The following TPP2 variants were observed in gnomAD, a reference collection of about 807,000 sequenced individuals.
TPP2 encodes the protein tripeptidyl-peptidase 2.
Under a neutral mutation model 155.9 loss-of-function variants are expected in TPP2, and 34 were observed. The observed-to-expected ratio is 0.22, with a 90% CI of 0.17 to 0.29. The LOEUF (loss-of-function observed/expected upper bound fraction) is 0.29. Among genes scored for constraint, TPP2 ranks in the 10% least tolerant of loss-of-function variants. The probability of loss-of-function intolerance (pLI) is 1.00; values close to 1 mark genes in which losing one functional copy is unlikely to be tolerated. For missense variants in TPP2, 1,028 were observed against 1,522.3 expected (o/e 0.68, Z 5.40); for synonymous variants, 510 against 529.4 (o/e 0.96, Z 0.50).
intron 26 of TPP2, among the ~76,000 whole-genome samples, chr13:102,664,551 T>C (rs1884462704): frequency 6.6e-6 from 1 of 152,206 alleles, no homozygotes. Context: ...ACTCTCACCA[T>C]TGTACTCCAG....
At chr13:102,648,698 A>C (rs1041743104) in intron 21 of TPP2, among the ~76,000 whole-genome samples, 1 of 152,072 alleles carries the variant, frequency 6.6e-6, no homozygotes, top group African/African-American at 2.4e-5. Flanking sequence ...GATGTTAGGC[A>C]AGTCACTTGA....
intron 5 of TPP2, 76 bp from the exon 6 acceptor site, chr13:102,622,801 G>T: frequency 6.9e-7 from 1 of 1,442,438 alleles, no homozygotes. Flanking sequence ...GTAAAATAGT[G>T]GAGAGACTAT....
At chr13:102,668,526 G>A (rs1884754633) in intron 27 of TPP2, among the ~76,000 whole-genome samples, 1 of 152,162 alleles carries the variant, frequency 6.6e-6, no homozygotes, top group South Asian at 2.1e-4. Context: ...ATCAAGGAGT[G>A]ACATGTAGTG....
rs868135316 is a variant in TPP2 at position 102,679,881 on chromosome 13, A to C, written c.*1565A>C. On this transcript the variant is annotated 3_prime_UTR_variant, in exon 30 of 30. Coordinates refer to ENST00000376052, the MANE Select transcript of TPP2 (RefSeq NM_001330588.2). ...ATTTCAGGTAAGTACTACCTACAGCAGGAATCAGTAACGTTTGGCCCTTTA... is the reference window on the plus strand; with the variant it reads ...ATTTCAGGTAAGTACTACCTACAGCCGGAATCAGTAACGTTTGGCCCTTTA... 6.6e-6 allele frequency: 1 copy of C among 152,238 alleles called. No individual in the cohort carries two copies. The highest frequency in any genetic ancestry group is 2.1e-4 in the South Asian group (1 of 4,832). The allele number at this position is 152,238 out of a possible 1,614,324, so 9.4% of individuals were successfully genotyped here.
chr13:102,646,013 T>C (rs1595184020), intron 19 of TPP2, among the ~76,000 whole-genome samples: 1 of 152,372 alleles, frequency 6.6e-6, no homozygotes, highest in East Asian at 1.9e-4. Flanking sequence ...GATTTGGTTG[T>C]ATTGAGAGCT....
chr13:102,616,403 G>A lies in TPP2; in HGVS notation c.398G>A (p.Arg133Gln), dbSNP rs752143872. Reference protein sequence around the residue: ...KALKERIQKERKEKIWDPVHR... With the variant: ...KALKERIQKEQKEKIWDPVHR... The stretch of plus-strand genomic sequence containing the variant: ...ATTTTTCTGTCTTTGCAGAAAGAAC[G>A]GAAGGAAAAAATCTGGGACCCTGTT... The change falls in exon 4 of 30, where the codon CGG becomes CAG. Residue 133 changes from arginine to glutamine, a missense_variant. Around this residue, in one of 7 missense-constraint regions of TPP2, gnomAD observed 300 missense variants for 398.3 expected, o/e 0.75. Coordinates refer to ENST00000376052, the MANE Select transcript of TPP2 (RefSeq NM_001330588.2). 5.6e-6 allele frequency: 9 copies of A among 1,609,362 alleles called. No homozygotes were observed. The highest frequency in any genetic ancestry group is 2.2e-5 in the East Asian group (1 of 44,800).
At chr13:102,628,183 G>C (rs576617641) in intron 8 of TPP2, among the ~76,000 whole-genome samples, 1 of 152,234 alleles carries the variant, frequency 6.6e-6, no homozygotes, top group East Asian at 1.9e-4. Flanking sequence ...CTCTGAGCAT[G>C]CCTGTGCTGT....
chr13:102,678,342 A>T lies in TPP2; in HGVS notation c.*26A>T, dbSNP rs1290633342. 8.1e-6 allele frequency: 13 copies of T among 1,596,710 alleles called. No individual in the cohort carries two copies. Among genetic ancestry groups the T allele is most frequent in the Non-Finnish European group, 1.0e-5 (12 of 1,174,490 alleles). On this transcript the variant is annotated 3_prime_UTR_variant, in exon 30 of 30. Transcript: ENST00000376052. ...AATAGGAAACAAGACTTTAAATTTT[A>T]AAAAAGGAAGTTTTATAGTGAATGG...
Position 102,601,607 on chromosome 13 carries a change from A to G in TPP2, c.166-3186A>G, listed in dbSNP as rs541925400. Among the ~76,000 whole-genome samples, 10 of 152,306 alleles carry G rather than the reference A, an allele frequency of 6.6e-5. No homozygotes were observed. The South Asian group carries it at 2.1e-3, about 32-fold the overall frequency. Reference sequence around the variant, plus strand: ...CCCAGGATTTAATACCGAAGCTCTTACCGATACTAACTGCCCATGCTTTCA... The same window carrying G: ...CCCAGGATTTAATACCGAAGCTCTTGCCGATACTAACTGCCCATGCTTTCA... On this transcript the variant is annotated intron_variant, in intron 1 of 29. Coordinates refer to ENST00000376052, the MANE Select transcript of TPP2 (RefSeq NM_001330588.2).
chr13:102,645,061 T>C (rs1883012789), intron 19 of TPP2, 52 bp downstream of exon 19: 1 of 1,520,378 alleles, frequency 6.6e-7, no homozygotes, highest in African/African-American at 1.5e-5. Flanking sequence ...ATTGGGGGGA[T>C]CTCTTACACT....
At chr13:102,617,251 A>T (rs1388332057) in intron 4 of TPP2, among the ~76,000 whole-genome samples, 1 of 152,072 alleles carries the variant, frequency 6.6e-6, no homozygotes, top group African/African-American at 2.4e-5. Flanking sequence ...TGTCACTTTT[A>T]AAAAGGGTTT....
chr13:102,631,975 G>A (rs752661661), intron 10 of TPP2, among the ~76,000 whole-genome samples: 2 of 152,180 alleles, frequency 1.3e-5, no homozygotes, highest in Non-Finnish European at 2.9e-5. Flanking sequence ...TGGGCCGGGT[G>A]CAGTGGCTCA....
chr13:102,658,066 A>T (rs554894100), intron 25 of TPP2, among the ~76,000 whole-genome samples: 91 of 152,348 alleles, frequency 6.0e-4, no homozygotes, highest in African/African-American at 2.0e-3. Context: ...CATAAAAGAT[A>T]TTAATGCTTT....
chr13:102,654,019 C>G (rs1883681035), intron 24 of TPP2, among the ~76,000 whole-genome samples: 1 of 152,146 alleles, frequency 6.6e-6, no homozygotes, highest in South Asian at 2.1e-4. Context: ...CATAGCATTT[C>G]TGCTCTGAAG....
At position 102,640,300 on chromosome 13, in the gene TPP2, C is replaced by T; in HGVS notation, c.1944C>T (p.Ala648=). The part of the protein sequence containing the change: ...KVNESSHYDL[A]FTDVHFKPGQ... ...ATGAATCATCACATTATGATCTAGC[C>T]TTTACAGATGTACACTTTAAACCTG... is the stretch of plus-strand genomic sequence containing the variant. Residue 648 remains alanine (A), a synonymous_variant, in exon 16 of 30, where the codon GCC becomes GCT. Transcript: ENST00000376052. 1.2e-6 allele frequency: 2 copies of T among 1,612,236 alleles called. No homozygotes were observed. Among genetic ancestry groups the T allele is most frequent in the Non-Finnish European group, 1.7e-6 (2 of 1,178,814 alleles).
At chr13:102,617,772 G>A (rs1443816178) in intron 4 of TPP2, among the ~76,000 whole-genome samples, 1 of 152,164 alleles carries the variant, frequency 6.6e-6, no homozygotes, top group Non-Finnish European at 1.5e-5. Flanking sequence ...TTGCCAAATA[G>A]TAAATATTTT....
At chr13:102,620,715 A>G (rs937346447) in intron 5 of TPP2, among the ~76,000 whole-genome samples, 2 of 152,078 alleles carry the variant, frequency 1.3e-5, no homozygotes, top group Non-Finnish European at 2.9e-5. Context: ...GCCTCAGATG[A>G]CTCTGTTCTG....
chr13:102,622,435 T>C (rs893192380), intron 5 of TPP2, among the ~76,000 whole-genome samples: 3 of 152,232 alleles, frequency 2.0e-5, no homozygotes, highest in African/African-American at 4.8e-5. Flanking sequence ...AAGTCTGTTA[T>C]AACTATAGGA....
intron 2 of TPP2, among the ~76,000 whole-genome samples, chr13:102,612,352 ATCCTCTC>A (rs1880387289): frequency 6.6e-6 from 1 of 152,208 alleles, no homozygotes; most frequent in Admixed American, 6.5e-5. Flanking sequence ...TTTGTTAGGC[ATCCTCTC>A]TTTAAGAGAG....
Sources: allele counts gnomAD v4.1 joint callset (sites outside exome capture counted in the v4.1 genomes callset), GRCh38; gene constraint gnomAD v4.1.1; regional missense constraint gnomAD v4.1.1; transcripts MANE v1.5; gene names NCBI Gene and HGNC (gene_info 2026-07-23, HGNC 2026-07-21).